AQP4: variants seen among roughly 807,000 people sequenced by gnomAD.
AQP4 encodes the protein aquaporin-4.
Under a neutral mutation model 27.8 loss-of-function variants are expected in AQP4, and 18 were observed. That is an observed-to-expected ratio of 0.65 (90% CI 0.45 to 0.96). The LOEUF (loss-of-function observed/expected upper bound fraction) is 0.96. AQP4 is among the 40% of genes least tolerant of loss of function. The pLI is 0.00. For synonymous variants in AQP4, 141 were observed against 142.9 expected, an observed-to-expected ratio of 0.99 and a Z score of 0.10; for missense variants, 412 against 408.2, an observed-to-expected ratio of 1.01 and a Z score of -0.08.
At chr18:26,858,249 G>A (rs2054878245) in intron 4 of AQP4, among the ~76,000 whole-genome samples, 1 of 151,840 alleles carries the variant, frequency 6.6e-6, no homozygotes, top group Non-Finnish European at 1.5e-5. Context: ...CTCCAGCCTG[G>A]GCAACAGAGT....
At chr18:26,858,718 C>A (rs71353406) in intron 4 of AQP4, among the ~76,000 whole-genome samples, 42,768 of 152,078 alleles carry the variant, frequency 0.28, 6,735 homozygotes, top group Admixed American at 0.44. Flanking sequence ...ATAATTACTA[C>A]CCTTTCCAAA....
In AQP4 at chr18:26,852,745, A is replaced by G; in HGVS notation, c.*3466T>C. The G allele has an allele frequency of 2.5e-6, 1 of 398,324 alleles. No individual in the cohort carries two copies. The highest frequency in any genetic ancestry group is 4.4e-6 in the Non-Finnish European group (1 of 225,814). 24.7% of individuals were successfully genotyped at this position (398,324 alleles called of 1,614,324 possible). A position where few individuals can be genotyped will look rare whatever the true frequency, so the allele number is the denominator to read the frequency against. ...TTTCATGTTAAAAACACTTTAGGAA[A>G]GACAGAATTACTTTTAGGTATAAAA... is the stretch of plus-strand genomic sequence containing the variant. On this transcript the variant is annotated 3_prime_UTR_variant, in exon 5 of 5. Transcript: ENST00000383168.
rs931144146 is a variant in AQP4, at chr18:26,854,652, A to G, written c.*1559T>C. ...TGCCACAGACACACAACTGCCATTA[A>G]CGCTAAAAAGTGACACAGAGTTGGA... is the stretch of plus-strand genomic sequence containing the variant. On this transcript the variant is annotated 3_prime_UTR_variant, in exon 5 of 5. Transcript: ENST00000383168. 1 of 152,678 alleles carries G rather than the reference A, an allele frequency of 6.5e-6. No homozygotes were observed. Among genetic ancestry groups the G allele is most frequent in the Admixed American group, 6.5e-5 (1 of 15,282 alleles). 9.5% of individuals were successfully genotyped at this position (152,678 alleles called of 1,614,324 possible).
intron 4 of AQP4, among the ~76,000 whole-genome samples, chr18:26,857,312 AATTATTATT>A (rs56990684): frequency 2.0e-5 from 3 of 148,708 alleles, no homozygotes; most frequent in African/African-American, 4.9e-5. Context: ...AATAAATGGA[AATTATTATT>A]ATTATTATTA....
In AQP4 at chr18:26,855,191, A is replaced by G. The variant is rs1478349548; in HGVS notation, c.*1020T>C. 1 of 152,150 alleles carries G rather than the reference A, an allele frequency of 6.6e-6. No individual in the cohort carries two copies. The highest frequency in any genetic ancestry group is 1.5e-5 in the Non-Finnish European group (1 of 68,036). The allele number at this position is 152,150 out of a possible 1,614,324, so 9.4% of individuals were successfully genotyped here. A position where few individuals can be genotyped will look rare whatever the true frequency, so the allele number is the denominator to read the frequency against. On this transcript the variant is annotated 3_prime_UTR_variant, in exon 5 of 5. Coordinates refer to ENST00000383168, the MANE Select transcript of AQP4 (RefSeq NM_001650.7). The stretch of plus-strand genomic sequence containing the variant: ...CTTCTAGAGTGAACACAGCTTAATA[A>G]TCAACAAAAAGCCAGGACTCAACTA...
At chr18:26,862,995 G>GC in intron 1 of AQP4, 1 of 120,856 alleles carries the variant, frequency 8.3e-6, no homozygotes, top group South Asian at 1.5e-4. Context: ...CAAGGTGTGC[G>GC]TGGGGGGGGG....
intron 1 of AQP4, 140 bp from the exon 2 acceptor site, chr18:26,862,736 C>T: frequency 2.9e-6 from 3 of 1,051,476 alleles, no homozygotes; most frequent in Non-Finnish European, 4.3e-6. Flanking sequence ...AAGAATGCTT[C>T]TGCTAAAGCT....
At chr18:26,862,619 A>G in intron 1 of AQP4, 23 bp from the exon 2 acceptor site, 1 of 1,613,822 alleles carries the variant, frequency 6.2e-7, no homozygotes, top group African/African-American at 1.3e-5. Context: ...ACAAATCAGC[A>G]TCAGAAGCCA....
chr18:26,861,034 C>T, intron 3 of AQP4, 97 bp downstream of exon 3: 2 of 1,488,538 alleles, frequency 1.3e-6, no homozygotes, highest in Non-Finnish European at 1.9e-6. Context: ...TGGCTGGATA[C>T]TAAAGAGCTA....
intron 4 of AQP4, among the ~76,000 whole-genome samples, chr18:26,859,252 G>C (rs2054896050): frequency 6.6e-6 from 1 of 152,238 alleles, no homozygotes. Context: ...GGGCACTGTG[G>C]CTCACGCCTG....
intron 1 of AQP4, chr18:26,862,994 CG>C (rs1357069796): frequency 4.1e-5 from 2 of 49,048 alleles, no homozygotes; most frequent in Admixed American, 5.6e-4. Flanking sequence ...ACAAGGTGTG[CG>C]TGGGGGGGGG....
chr18:26,858,232 C>T (rs1160268104), intron 4 of AQP4, among the ~76,000 whole-genome samples: 1 of 152,082 alleles, frequency 6.6e-6, no homozygotes, highest in Non-Finnish European at 1.5e-5. Flanking sequence ...ATGATCGTGA[C>T]ACTCTACTCC....
At chr18:26,858,306 A>T (rs1453007921) in intron 4 of AQP4, among the ~76,000 whole-genome samples, 1 of 152,034 alleles carries the variant, frequency 6.6e-6, no homozygotes, top group Non-Finnish European at 1.5e-5. Context: ...ACAAAATGAA[A>T]ACCTCTCTTT....
In AQP4 at chr18:26,860,850, G is replaced by T; in HGVS notation, c.615C>A (p.Ile205=). Reference sequence around the variant, plus strand: ...GATTCATGCTGGCACCAGTATAATTGATCTATAGGAAACAAGAAAACAACT... The same window carrying T: ...GATTCATGCTGGCACCAGTATAATTTATCTATAGGAAACAAGAAAACAACT... The part of the protein sequence containing the change: ...FSVAIGHLFA[I]NYTGASMNPA... Residue 205 remains isoleucine (I), a splice_region_variant and synonymous_variant, in exon 4 of 5, where the codon ATC becomes ATA. Coordinates refer to ENST00000383168, the MANE Select transcript of AQP4 (RefSeq NM_001650.7). 6.2e-7 allele frequency: 1 copy of T among 1,613,812 alleles called. No homozygotes were observed. The highest frequency in any genetic ancestry group is 8.5e-7 in the Non-Finnish European group (1 of 1,179,754).
rs1232565928 is a variant in AQP4, at chr18:26,861,137, T to C, written c.606A>G (p.Leu202=). The change falls in exon 3 of 5, where the codon TTA becomes TTG. Residue 202 remains leucine (L), a synonymous_variant. Transcript: ENST00000383168. ...AIGFSVAIGH[L]FAINYTGASM... ...AATGGACTTGGAAACTTACTGCAAA[T>C]AAATGTCCAATTGCAACAGAAAATC... 4 of 1,613,946 alleles carry C rather than the reference T, an allele frequency of 2.5e-6. No individual in the cohort carries two copies. The highest frequency in any genetic ancestry group is 1.7e-5 in the Admixed American group (1 of 59,998).
chr18:26,856,272 A>G lies in AQP4; in HGVS notation c.911T>C (p.Val304Ala). The change falls in exon 5 of 5, where the codon GTT (valine) becomes GCT (alanine). Residue 304 changes from valine to alanine, a missense_variant. Physicochemically the swap from Val to Ala is moderately conservative, Grantham distance 64. Transcript: ENST00000383168. ...CCCCTTCTTCTCCTCTCCCCGGTCA[A>G]CGTCAATCACATGCACCACTCCAGG... ...LKPGVVHVID[V>A]DRGEEKKGKD... 2.5e-6 allele frequency: 4 copies of G among 1,614,172 alleles called. No individual in the cohort carries two copies. Among genetic ancestry groups the G allele is most frequent in the Non-Finnish European group, 3.4e-6 (4 of 1,180,028 alleles).
At chr18:26,865,351 G>A (rs2055040035) in intron 1 of AQP4, 1 of 490,894 alleles carries the variant, frequency 2.0e-6, no homozygotes, top group Non-Finnish European at 3.7e-6. Context: ...CAGGACAGCT[G>A]AGCGTCTGGG....
In AQP4 at chr18:26,854,545, G is replaced by A. The variant is rs1468331194; in HGVS notation, c.*1666C>T. Reference sequence around the variant, plus strand: ...TGGCACTCCCAGGCATAACACTGGTGTGACGACTCTCTGGGAATCTCACAC... The same window carrying A: ...TGGCACTCCCAGGCATAACACTGGTATGACGACTCTCTGGGAATCTCACAC... On this transcript the variant is annotated 3_prime_UTR_variant, in exon 5 of 5. Coordinates refer to ENST00000383168, the MANE Select transcript of AQP4 (RefSeq NM_001650.7). 8 of 152,628 alleles carry A rather than the reference G, an allele frequency of 5.2e-5. No individual in the cohort carries two copies. The highest frequency in any genetic ancestry group is 1.9e-4 in the African/African-American group (8 of 41,444). 9.5% of individuals were successfully genotyped at this position (152,628 alleles called of 1,614,324 possible). A position where few individuals can be genotyped will look rare whatever the true frequency, so the allele number is the denominator to read the frequency against.
At chr18:26,858,289 CA>C (rs765236169) in intron 4 of AQP4, among the ~76,000 whole-genome samples, 8 of 151,770 alleles carry the variant, frequency 5.3e-5, no homozygotes, top group Admixed American at 1.3e-4. Context: ...AAGAAAAAAA[CA>C]AACAAACAAA....
Sources: allele counts gnomAD v4.1 joint callset (sites outside exome capture counted in the v4.1 genomes callset), GRCh38; gene constraint gnomAD v4.1.1; transcripts MANE v1.5; gene names NCBI Gene and HGNC (gene_info 2026-07-23, HGNC 2026-07-21).